Variants in VAT1L observed in about 807,000 individuals in gnomAD.
The protein encoded by VAT1L is putative NADPH-dependent quinone oxidoreductase VAT1L.
Under a neutral mutation model 44.1 loss-of-function variants are expected in VAT1L, and 34 were observed. The observed-to-expected ratio is 0.77, with a 90% CI of 0.59 to 1.03. The LOEUF (loss-of-function observed/expected upper bound fraction) is 1.03. VAT1L is among the 50% of genes least tolerant of loss of function. VAT1L has a pLI of 0.00. For missense variants in VAT1L, 615 were observed against 538.8 expected (o/e 1.14, Z -1.40); for synonymous variants, 253 against 202.2 (o/e 1.25, Z -2.13).
At chr16:77,906,827 G>A (rs2017442501) in intron 7 of VAT1L, among the ~76,000 whole-genome samples, 1 of 152,210 alleles carries the variant, frequency 6.6e-6, no homozygotes, top group African/African-American at 2.4e-5. Flanking sequence ...CCAAGGAACT[G>A]CCATCTTCCA....
At chr16:77,892,548 A>G in intron 7 of VAT1L, 6 of 591,296 alleles carry the variant, frequency 1.0e-5, no homozygotes, top group South Asian at 8.3e-5. Flanking sequence ...AGCCCTGGAG[A>G]GGAAGGATTT....
At chr16:77,974,291 C>G (rs1252597310) in intron 8 of VAT1L, among the ~76,000 whole-genome samples, 1 of 152,210 alleles carries the variant, frequency 6.6e-6, no homozygotes, top group Non-Finnish European at 1.5e-5. Context: ...GACCAAGTCT[C>G]TTTCAGTCCC....
rs2017120565 is a variant in VAT1L at position 77,879,083 on chromosome 16, C to G, written c.827-86C>G. 6 of 1,406,034 alleles carry G rather than the reference C, an allele frequency of 4.3e-6. No homozygotes were observed. 87.1% of individuals were successfully genotyped at this position (1,406,034 alleles called of 1,614,324 possible). A position where few individuals can be genotyped will look rare whatever the true frequency, so the allele number is the denominator to read the frequency against. ...TTTTCAAGATTTCTCCAGTTCCGGA[C>G]CAAACAATTGCCATTTTTTTCATGC... On this transcript the variant is annotated intron_variant, in intron 5 of 8. Transcript: ENST00000302536. The surrounding 1 kb of genome is among the most constrained non-coding windows in gnomAD (Gnocchi z 4.1).
intron 7 of VAT1L, among the ~76,000 whole-genome samples, chr16:77,970,919 G>C (rs753434458): frequency 1.3e-5 from 2 of 152,076 alleles, no homozygotes; most frequent in Admixed American, 1.3e-4. Flanking sequence ...TAGGCTAGAC[G>C]CAACATTTAA....
chr16:77,953,100 G>T (rs2018063280), intron 7 of VAT1L, among the ~76,000 whole-genome samples: 1 of 152,108 alleles, frequency 6.6e-6, no homozygotes, highest in Admixed American at 6.6e-5. Context: ...GATGATGGAG[G>T]CAGAGACAGG....
At chr16:77,824,112 G>C (rs750833219) in intron 2 of VAT1L, among the ~76,000 whole-genome samples, 1 of 152,192 alleles carries the variant, frequency 6.6e-6, no homozygotes, top group African/African-American at 2.4e-5. Flanking sequence ...TTTGGCTATG[G>C]GGACTACATT....
intron 3 of VAT1L, among the ~76,000 whole-genome samples, chr16:77,830,808 T>G (rs2016570688): frequency 6.6e-6 from 1 of 152,166 alleles, no homozygotes; most frequent in South Asian, 2.1e-4. Flanking sequence ...CTCAGCCTCC[T>G]GAGTAGCTGG....
intron 7 of VAT1L, among the ~76,000 whole-genome samples, chr16:77,916,208 T>C (rs1405926832): frequency 6.6e-6 from 1 of 152,000 alleles, no homozygotes; most frequent in Non-Finnish European, 1.5e-5. Flanking sequence ...TGGAAGTCAG[T>C]TTGGGTTTCG....
intron 7 of VAT1L, among the ~76,000 whole-genome samples, chr16:77,951,523 G>A (rs2018042745): frequency 6.6e-6 from 1 of 152,062 alleles, no homozygotes; most frequent in Non-Finnish European, 1.5e-5. Context: ...TCCAGCCAGG[G>A]CAATGGAGTG....
chr16:77,892,964 G>C (rs868674066), intron 7 of VAT1L: 1 of 758,764 alleles, frequency 1.3e-6, no homozygotes, highest in Non-Finnish European at 2.3e-6. Flanking sequence ...TCTATCTGTA[G>C]CTCAGGAGGG....
chr16:77,842,807 A>G (rs1479537913), intron 3 of VAT1L, among the ~76,000 whole-genome samples: 4 of 152,248 alleles, frequency 2.6e-5, no homozygotes, highest in Non-Finnish European at 5.9e-5. Flanking sequence ...GAATTCCAAG[A>G]TAATACCAAG....
chr16:77,846,869 C>T (rs1205956045), intron 3 of VAT1L, among the ~76,000 whole-genome samples: 1 of 143,856 alleles, frequency 7.0e-6, no homozygotes, highest in Non-Finnish European at 1.6e-5. Flanking sequence ...GATTCCAATT[C>T]TGTGGATAAA....
chr16:77,931,457 T>A (rs2017730184), intron 7 of VAT1L, among the ~76,000 whole-genome samples: 1 of 152,206 alleles, frequency 6.6e-6, no homozygotes, highest in Non-Finnish European at 1.5e-5. Context: ...GAGTAAGGTC[T>A]GTGAGATGTT....
At chr16:77,860,061 C>T (rs1301331875) in intron 3 of VAT1L, among the ~76,000 whole-genome samples, 1 of 152,016 alleles carries the variant, frequency 6.6e-6, no homozygotes, top group East Asian at 1.9e-4. Context: ...GAGAAGACGG[C>T]GTGGAGAGAC....
chr16:77,926,090 G>A (rs906073772), intron 7 of VAT1L, among the ~76,000 whole-genome samples: 5 of 150,830 alleles, frequency 3.3e-5, no homozygotes, highest in Non-Finnish European at 5.9e-5. Flanking sequence ...GTGAAACCCC[G>A]TCTCTACTAA....
At chr16:77,929,809 T>C (rs2142501140) in intron 7 of VAT1L, among the ~76,000 whole-genome samples, 1 of 152,256 alleles carries the variant, frequency 6.6e-6, no homozygotes, top group South Asian at 2.1e-4. Flanking sequence ...AGATAATAAG[T>C]GGAAGAACTG....
intron 7 of VAT1L, among the ~76,000 whole-genome samples, chr16:77,954,352 C>T (rs893632832): frequency 6.6e-5 from 10 of 152,162 alleles, no homozygotes; most frequent in African/African-American, 2.2e-4. Context: ...TCAGGCCGGG[C>T]GCGGTGGCTC....
At chr16:77,867,981 C>T (rs2016993043) in intron 4 of VAT1L, among the ~76,000 whole-genome samples, 1 of 152,060 alleles carries the variant, frequency 6.6e-6, no homozygotes, top group South Asian at 2.1e-4. Flanking sequence ...ACAGATGCTT[C>T]TCAACTTAAA....
intron 8 of VAT1L, among the ~76,000 whole-genome samples, chr16:77,974,650 C>A (rs2018316039): frequency 6.6e-6 from 1 of 152,186 alleles, no homozygotes; most frequent in African/African-American, 2.4e-5. Context: ...GCAACCTCTG[C>A]CTCCTGGGTT....
Sources: allele counts gnomAD v4.1 joint callset (sites outside exome capture counted in the v4.1 genomes callset), GRCh38; gene constraint gnomAD v4.1.1; non-coding constraint Gnocchi (gnomAD v3.1); transcripts MANE v1.5; gene names NCBI Gene and HGNC (gene_info 2026-07-23, HGNC 2026-07-21).